The following ING3 variants were observed in gnomAD, a reference collection of about 807,000 sequenced individuals.
The protein encoded by ING3 is inhibitor of growth protein 3.
In ING3, 6 loss-of-function variants were observed where a neutral mutation model predicts 64.8. That is an observed-to-expected ratio of 0.09 (90% CI 0.05 to 0.18). ING3 has a LOEUF of 0.18. ING3 is among the 10% of genes least tolerant of loss of function. ING3 has a pLI of 1.00. For synonymous variants in ING3, 170 were observed against 173.7 expected, an observed-to-expected ratio of 0.98 and a Z score of 0.17; for missense variants, 310 against 489.7, an observed-to-expected ratio of 0.63 and a Z score of 3.46.
At chr7:120,965,713 C>T (rs564410181) in intron 5 of ING3, among the ~76,000 whole-genome samples, 4 of 152,206 alleles carry the variant, frequency 2.6e-5, no homozygotes, top group Non-Finnish European at 4.4e-5. Context: ...TAGAAGTCAG[C>T]TAGGGAAGCC....
chr7:120,969,273 G>A (rs1796037308), intron 9 of ING3, 69 bp downstream of exon 9: 1 of 1,228,948 alleles, frequency 8.1e-7, no homozygotes, highest in Non-Finnish European at 1.1e-6. Context: ...CTTCAGCCAG[G>A]CCTCTCTATG....
chr7:120,959,925 G>A (rs543973288), intron 4 of ING3, among the ~76,000 whole-genome samples: 3 of 152,148 alleles, frequency 2.0e-5, no homozygotes, highest in South Asian at 4.1e-4. Flanking sequence ...GATTACAGGC[G>A]TGAGCCACCA....
intron 7 of ING3, 66 bp from the exon 8 acceptor site, chr7:120,967,868 G>A (rs1796016365): frequency 2.7e-6 from 4 of 1,498,378 alleles, no homozygotes; most frequent in Middle Eastern, 1.7e-4. Context: ...GGGAAATAAT[G>A]TAATTTAGAC....
chr7:120,966,646 C>G lies in ING3; in HGVS notation c.385C>G (p.Pro129Ala). The change falls in exon 6 of 12, where the codon CCT becomes GCT. Residue 129 changes from proline to alanine, a missense_variant. Transcript: ENST00000315870. ...TTTAGGATCTTTGGAATTAGACACT[C>G]CTTCACAGCCAGTGAACAATCACCA... ...LERRSLELDT[P>A]SQPVNNHHAH... The G allele has an allele frequency of 6.2e-7, 1 of 1,613,318 alleles. No individual in the cohort carries two copies. The highest frequency in any genetic ancestry group is 8.5e-7 in the Non-Finnish European group (1 of 1,179,262).
At chr7:120,957,343 G>T (rs549480459) in intron 4 of ING3, among the ~76,000 whole-genome samples, 33 of 151,694 alleles carry the variant, frequency 2.2e-4, no homozygotes, top group African/African-American at 6.3e-4. Context: ...CTGCACTCCA[G>T]CCTGGGCGAC....
At chr7:120,956,786 C>A (rs1169263550) in intron 4 of ING3, 8 of 976,498 alleles carry the variant, frequency 8.2e-6, no homozygotes, top group Non-Finnish European at 9.7e-6. Flanking sequence ...TGTTTAGTAA[C>A]ATTCTTCCTC....
intron 2 of ING3, among the ~76,000 whole-genome samples, chr7:120,952,557 G>A (rs1322263948): frequency 6.6e-6 from 1 of 151,966 alleles, no homozygotes; most frequent in Admixed American, 6.5e-5. Flanking sequence ...AAAGTTAATA[G>A]GTATTATGGA....
chr7:120,964,083 C>T (rs548362894), intron 4 of ING3, among the ~76,000 whole-genome samples: 3 of 152,142 alleles, frequency 2.0e-5, no homozygotes, highest in East Asian at 3.9e-4. Flanking sequence ...AAAGATCTCT[C>T]AGTGACAAAA....
intron 4 of ING3, among the ~76,000 whole-genome samples, chr7:120,957,303 C>T (rs182066582): frequency 0.012 from 1,852 of 150,266 alleles, 40 homozygotes; most frequent in African/African-American, 0.043. Flanking sequence ...ACCCGGGAGG[C>T]GGAGCTTGCA....
At position 120,967,916 on chromosome 7, in the gene ING3, T is replaced by G. The variant is rs961181422; in HGVS notation, c.557-18T>G. The G allele has an allele frequency of 6.2e-7, 1 of 1,612,058 alleles. No individual in the cohort carries two copies. Among genetic ancestry groups the G allele is most frequent in the Non-Finnish European group, 8.5e-7 (1 of 1,178,690 alleles). ...TGTTCTCTGCAACCATTTTTATTTC[T>G]TTTTTACATCTACACAGGTTGTCGA... On this transcript the variant is annotated intron_variant, in intron 7 of 11. Transcript: ENST00000315870.
chr7:120,965,831 A>G (rs1413375353), intron 5 of ING3, among the ~76,000 whole-genome samples: 1 of 152,124 alleles, frequency 6.6e-6, no homozygotes, highest in East Asian at 1.9e-4. Flanking sequence ...TTCTGGAGGA[A>G]CCCTATATAA....
chr7:120,967,608 A>C lies in ING3; in HGVS notation c.516A>C (p.Leu172=), dbSNP rs1287306907. The C allele has an allele frequency of 2.5e-6, 4 of 1,608,518 alleles. No homozygotes were observed. Among genetic ancestry groups the C allele is most frequent in the African/African-American group, 1.3e-5 (1 of 74,766 alleles). Reference sequence around the variant, plus strand: ...AGAAATTTAAATCTGAAGCTCTTCTATCCACCCTTACGTCAGATGCCTCTA... The same window carrying C: ...AGAAATTTAAATCTGAAGCTCTTCTCTCCACCCTTACGTCAGATGCCTCTA... ...PEKKFKSEAL[L]STLTSDASKE... The change falls in exon 7 of 12, where the codon CTA becomes CTC. Residue 172 remains leucine, a synonymous_variant. Coordinates refer to ENST00000315870, the MANE Select transcript of ING3 (RefSeq NM_019071.3).
In ING3 at chr7:120,976,364, T is replaced by C; in HGVS notation, c.*1520T>C. The stretch of plus-strand genomic sequence containing the variant: ...TGCTACCCAAAGGGTGTGAGGTAGA[T>C]AGGGGATTTCAAAGATCTCTTCCAC... On this transcript the variant is annotated 3_prime_UTR_variant, in exon 12 of 12. Coordinates refer to ENST00000315870, the MANE Select transcript of ING3 (RefSeq NM_019071.3). 6.6e-6 allele frequency: 1 copy of C among 152,110 alleles called. No individual in the cohort carries two copies. The highest frequency in any genetic ancestry group is 1.9e-4 in the East Asian group (1 of 5,192). 9.4% of individuals were successfully genotyped at this position (152,110 alleles called of 1,614,324 possible). A position where few individuals can be genotyped will look rare whatever the true frequency, so the allele number is the denominator to read the frequency against.
intron 10 of ING3, among the ~76,000 whole-genome samples, chr7:120,972,507 T>G (rs537065955): frequency 2.6e-5 from 4 of 152,160 alleles, no homozygotes; most frequent in Non-Finnish European, 5.9e-5. Context: ...ACCTAGAGTT[T>G]TCCTCTGTAA....
At chr7:120,966,181 A>C (rs1441037180) in intron 5 of ING3, among the ~76,000 whole-genome samples, 1 of 152,180 alleles carries the variant, frequency 6.6e-6, no homozygotes, top group African/African-American at 2.4e-5. Flanking sequence ...TTATTATCAT[A>C]ATGTCATTTT....
At chr7:120,955,261 T>G (rs1795828854) in intron 3 of ING3, among the ~76,000 whole-genome samples, 1 of 152,178 alleles carries the variant, frequency 6.6e-6, no homozygotes, top group Non-Finnish European at 1.5e-5. Context: ...CCTGAGTAGC[T>G]GGGATTACAG....
intron 3 of ING3, among the ~76,000 whole-genome samples, chr7:120,954,520 TGGAG>T (rs1216378297): frequency 6.6e-6 from 1 of 151,768 alleles, no homozygotes; most frequent in African/African-American, 2.4e-5. Context: ...TTCTACCACA[TGGAG>T]GGAAGATTGT....
At chr7:120,968,618 G>T (rs2525723) in intron 8 of ING3, among the ~76,000 whole-genome samples, 41,988 of 151,872 alleles carry the variant, frequency 0.28, 7,092 homozygotes, top group African/African-American at 0.46. Flanking sequence ...GCCGAGGCAG[G>T]TGGATCACTT....
intron 4 of ING3, among the ~76,000 whole-genome samples, chr7:120,961,487 G>A (rs1795933290): frequency 6.6e-6 from 1 of 152,154 alleles, no homozygotes; most frequent in African/African-American, 2.4e-5. Flanking sequence ...ATCATGTAGA[G>A]ACTTTAAAAA....
Sources: allele counts gnomAD v4.1 joint callset (sites outside exome capture counted in the v4.1 genomes callset), GRCh38; gene constraint gnomAD v4.1.1; transcripts MANE v1.5; gene names NCBI Gene and HGNC (gene_info 2026-07-23, HGNC 2026-07-21).